DBF4B: variants seen among roughly 807,000 people sequenced by gnomAD.
The protein encoded by DBF4B is protein DBF4 homolog B.
A neutral mutation model predicts 53.4 loss-of-function variants in DBF4B; 49 were observed. The ratio of observed to expected loss-of-function variants is 0.92; its 90% CI spans 0.73 to 1.16. The LOEUF (loss-of-function observed/expected upper bound fraction) is 1.16. DBF4B is among the 50% of genes most tolerant of loss of function. DBF4B has a pLI of 0.00. For synonymous variants in DBF4B, 257 were observed against 288.7 expected (o/e 0.89, Z 1.11); for missense variants, 692 against 775.0 (o/e 0.89, Z 1.27).
Position 44,722,783 on chromosome 17 carries a change from CTATTA to C in DBF4B, c.83-94_83-90del, listed in dbSNP as rs1296168861. 13 of 1,382,732 alleles carry C rather than the reference CTATTA, an allele frequency of 9.4e-6. No individual in the cohort carries two copies. In the African/African-American group the frequency reaches 1.4e-4, roughly 15 times the overall value. 85.7% of individuals were successfully genotyped at this position (1,382,732 alleles called of 1,614,324 possible). ...GTGTGTGCCCAGGGTCTAGTCTGTG[CTATTA>C]TAGCACACAGACTGAGCTGTCAGTG... On this transcript the variant is annotated intron_variant, in intron 2 of 13. Coordinates refer to ENST00000315005, the MANE Select transcript of DBF4B (RefSeq NM_145663.3).
intron 8 of DBF4B, among the ~76,000 whole-genome samples, chr17:44,737,080 TCTC>T (rs1457843614): frequency 6.6e-6 from 1 of 152,090 alleles, no homozygotes; most frequent in Admixed American, 6.6e-5. Context: ...GGCCGGGGCT[TCTC>T]CTTTAGAGCC....
chr17:44,724,528 T>C (rs771381679), intron 3 of DBF4B, among the ~76,000 whole-genome samples: 23 of 152,234 alleles, frequency 1.5e-4, no homozygotes, highest in Non-Finnish European at 2.6e-4. Context: ...CAGGCGCCTA[T>C]CACCACGCCC....
rs1285306862 is a variant in DBF4B, at chr17:44,751,389, C to T, written c.*136C>T. ...CTCCAGCCCCCTTTCCACATCGCAC[C>T]AGATGACTTTTACCCAGACCCAGTG... On this transcript the variant is annotated 3_prime_UTR_variant, in exon 14 of 14. Coordinates refer to ENST00000315005, the MANE Select transcript of DBF4B (RefSeq NM_145663.3). 2.1e-6 allele frequency: 3 copies of T among 1,438,262 alleles called. No homozygotes were observed. The highest frequency in any genetic ancestry group is 2.7e-6 in the Non-Finnish European group (3 of 1,101,230). 89.1% of individuals were successfully genotyped at this position (1,438,262 alleles called of 1,614,324 possible).
At chr17:44,724,844 C>T (rs939088792) in intron 3 of DBF4B, among the ~76,000 whole-genome samples, 1 of 151,960 alleles carries the variant, frequency 6.6e-6, no homozygotes, top group East Asian at 1.9e-4. Flanking sequence ...CTGCCGGGCA[C>T]GGTGGCTTAC....
chr17:44,740,974 A>G (rs890309219), intron 9 of DBF4B, among the ~76,000 whole-genome samples: 1 of 152,138 alleles, frequency 6.6e-6, no homozygotes, highest in Admixed American at 6.5e-5. Context: ...TCTCTACTAA[A>G]AATACAAAAA....
chr17:44,742,101 T>A (rs565702466), intron 10 of DBF4B, among the ~76,000 whole-genome samples: 20,688 of 148,668 alleles, frequency 0.14, 1,556 homozygotes, highest in South Asian at 0.27. Context: ...AAAATAAAAA[T>A]AAAAATGTAA....
chr17:44,713,458 G>C (rs1973073031), intron 2 of DBF4B, among the ~76,000 whole-genome samples: 1 of 151,880 alleles, frequency 6.6e-6, no homozygotes, highest in Admixed American at 6.6e-5. Flanking sequence ...TTTGAGACCA[G>C]CCTGGCCAAC....
Position 44,749,149 on chromosome 17 carries a change from T to G in DBF4B, c.1189+684T>G, listed in dbSNP as rs1477842220. 1.6e-6 allele frequency: 2 copies of G among 1,289,574 alleles called. No homozygotes were observed. The highest frequency in any genetic ancestry group is 1.0e-6 in the Non-Finnish European group (1 of 988,848). The allele number at this position is 1,289,574 out of a possible 1,614,324, so 79.9% of individuals were successfully genotyped here. A position where few individuals can be genotyped will look rare whatever the true frequency, so the allele number is the denominator to read the frequency against. On this transcript the variant is annotated intron_variant, in intron 13 of 13. Transcript: ENST00000315005. The surrounding 1 kb of genome is among the most constrained non-coding windows in gnomAD (Gnocchi z 4.4). ...CTCGGGAGCACCTGTAGAGAGCAGG[T>G]CTACCTCCCTCCTGCAGCCCCTGCC...
chr17:44,750,613 C>T lies in DBF4B; in HGVS notation c.1208C>T (p.Ala403Val), dbSNP rs1264180740. The change falls in exon 14 of 14, where the codon GCG (alanine) becomes GTG (valine). Residue 403 changes from alanine (A) to valine (V), a missense_variant. Coordinates refer to ENST00000315005, the MANE Select transcript of DBF4B (RefSeq NM_145663.3). ...CCTCCAGTGACCCAAGGCAGGGCTG[C>T]GGGCCAGCAGCGATGGACAGAATCA... ...CQASVTQGRA[A>V]GQQRWTESLD... 4.3e-6 allele frequency: 7 copies of T among 1,611,030 alleles called. No homozygotes were observed. Among genetic ancestry groups the T allele is most frequent in the East Asian group, 2.2e-5 (1 of 44,840 alleles).
Position 44,750,345 on chromosome 17 carries a change from G to A in DBF4B, c.1190-250G>A, listed in dbSNP as rs557542724. On this transcript the variant is annotated intron_variant, in intron 13 of 13. Transcript: ENST00000315005. ...TGTCTCTTTAAATGTTGAAGCTTCC[G>A]GAAGCCTGATGCTATTCTGTGTCTC... 248 of 1,290,324 alleles carry A rather than the reference G, an allele frequency of 1.9e-4. 1 individual carries two copies. The highest frequency in any genetic ancestry group is 1.1e-3 in the African/African-American group (75 of 66,502). The allele number at this position is 1,290,324 out of a possible 1,614,324, so 79.9% of individuals were successfully genotyped here.
chr17:44,751,979 C>T lies in DBF4B; in HGVS notation c.*726C>T. 1 of 1,534,914 alleles carries T rather than the reference C, an allele frequency of 6.5e-7. No homozygotes were observed. The highest frequency in any genetic ancestry group is 8.7e-7 in the Non-Finnish European group (1 of 1,146,396). On this transcript the variant is annotated 3_prime_UTR_variant, in exon 14 of 14. Coordinates refer to ENST00000315005, the MANE Select transcript of DBF4B (RefSeq NM_145663.3). ...TCTGCCCTGAGTCAGCTCCGAGACA[C>T]CTGAAGAGCCCTCCAGCCCTAACTA...
chr17:44,748,685 C>T (rs1256044180), intron 13 of DBF4B: 1 of 1,440,322 alleles, frequency 6.9e-7, no homozygotes, highest in Non-Finnish European at 9.2e-7. Flanking sequence ...CCAGACCTGG[C>T]ACTTTTTGGC....
At position 44,734,162 on chromosome 17, in the gene DBF4B, A is replaced by G. The variant is rs1295259088; in HGVS notation, c.629A>G (p.Glu210Gly). The G allele has an allele frequency of 6.2e-7, 1 of 1,614,184 alleles. No individual in the cohort carries two copies. The highest frequency in any genetic ancestry group is 1.1e-5 in the South Asian group (1 of 91,080). The change falls in exon 7 of 14, where the codon GAG becomes GGG. Residue 210 changes from glutamate (E) to glycine (G), a missense_variant and splice_region_variant. Coordinates refer to ENST00000315005, the MANE Select transcript of DBF4B (RefSeq NM_145663.3). ...AAAAAACAACAGCCAAAGAAGCCAG[A>G]GGTAGGTCATCCTGCTGAACTGAAG... The part of the protein sequence containing the change: ...CVKKQQPKKP[E>G]GTCPAAESRT...
At position 44,726,038 on chromosome 17, in the gene DBF4B, G is replaced by A. The variant is rs146156669; in HGVS notation, c.225+3016G>A. Reference sequence around the variant, plus strand: ...GAGTCTTGCTCTTGTTGCCCAGGCTGGAGTGCAATGGTGCGATCTCAGCTC... The same window carrying A: ...GAGTCTTGCTCTTGTTGCCCAGGCTAGAGTGCAATGGTGCGATCTCAGCTC... On this transcript the variant is annotated intron_variant, in intron 3 of 13. Transcript: ENST00000315005. 7.4e-3 allele frequency among the ~76,000 whole-genome samples: 1,125 copies of A among 151,252 alleles called. 7 individuals carry two copies. Among genetic ancestry groups the A allele is most frequent in the Non-Finnish European group, 0.012 (844 of 67,904 alleles).
At position 44,729,683 on chromosome 17, in the gene DBF4B, T is replaced by TACACACACACAC. The variant is rs71361592; in HGVS notation, c.226-189_226-178dup. ...CTGTAGACAAAACCTGTAATACACA[T>TACACACACACAC]ACACACACACACACACACACACACA... On this transcript the variant is annotated intron_variant, in intron 3 of 13. Transcript: ENST00000315005. Among the ~76,000 whole-genome samples, 212 of 138,220 alleles carry TACACACACACAC rather than the reference T, an allele frequency of 1.5e-3. 1 individual carries two copies. The highest frequency in any genetic ancestry group is 2.5e-3 in the Admixed American group (34 of 13,480). 90.7% of individuals were successfully genotyped at this position (138,220 alleles called of 152,430 possible). A position where few individuals can be genotyped will look rare whatever the true frequency, so the allele number is the denominator to read the frequency against.
At chr17:44,725,152 G>T (rs1598792927) in intron 3 of DBF4B, among the ~76,000 whole-genome samples, 1 of 151,626 alleles carries the variant, frequency 6.6e-6, no homozygotes, top group South Asian at 2.1e-4. Flanking sequence ...TTAGCTGGGG[G>T]CAGTGGCACA....
intron 2 of DBF4B, among the ~76,000 whole-genome samples, chr17:44,709,650 T>C (rs1214470963): frequency 1.3e-5 from 2 of 152,118 alleles, no homozygotes; most frequent in African/African-American, 4.8e-5. Context: ...TGTGTGTGTA[T>C]GGACGCAGCA....
chr17:44,722,288 A>C (rs1973920599), intron 2 of DBF4B, among the ~76,000 whole-genome samples: 1 of 151,960 alleles, frequency 6.6e-6, no homozygotes, highest in African/African-American at 2.4e-5. Context: ...TTTTTGAGTT[A>C]TAATTACCTA....
intron 9 of DBF4B, 51 bp downstream of exon 9, chr17:44,738,475 A>G (rs1221864066): frequency 1.3e-6 from 2 of 1,573,738 alleles, no homozygotes; most frequent in Non-Finnish European, 1.7e-6. Context: ...TGCACAGAGG[A>G]GGGAGGAGGG....
Sources: gnomAD v4.1 joint callset for allele counts (sites outside exome capture counted in the v4.1 genomes callset) on GRCh38, gnomAD v4.1.1 for gene constraint, Gnocchi (gnomAD v3.1) non-coding constraint, MANE v1.5 for transcripts, NCBI Gene and HGNC (gene_info 2026-07-23, HGNC 2026-07-21) for gene names.